TMEM267: variants seen among roughly 807,000 people sequenced by gnomAD.
The protein encoded by TMEM267 is transmembrane protein 267.
In TMEM267, 20 loss-of-function variants were observed where a neutral mutation model predicts 19.3. The observed-to-expected ratio is 1.04, with a 90% CI of 0.73 to 1.51. TMEM267 has a LOEUF of 1.51. Ranked by LOEUF, TMEM267 falls within the 40% of genes most tolerant of loss-of-function variation. The pLI is 0.00. For synonymous variants in TMEM267, 88 were observed against 90.3 expected (o/e 0.97, Z 0.15); for missense variants, 242 against 261.9 (o/e 0.92, Z 0.52).
At chr5:43,449,987 G>A (rs1047380122) in intron 2 of TMEM267, among the ~76,000 whole-genome samples, 3 of 142,998 alleles carry the variant, frequency 2.1e-5, no homozygotes, top group African/African-American at 5.1e-5. Flanking sequence ...TCAATGTAGC[G>A]TTTTTTTTTT....
intron 1 of TMEM267, among the ~76,000 whole-genome samples, chr5:43,455,148 G>A (rs6880159): frequency 0.074 from 11,279 of 152,186 alleles, 762 homozygotes; most frequent in African/African-American, 0.18. Context: ...AGTAGGCTGG[G>A]CACAGTGGCT....
At chr5:43,473,626 G>C (rs1365252051) in intron 1 of TMEM267, among the ~76,000 whole-genome samples, 2 of 152,116 alleles carry the variant, frequency 1.3e-5, no homozygotes, top group Non-Finnish European at 2.9e-5. Context: ...CAAACAAATG[G>C]AAAAACATTC....
chr5:43,459,786 G>A (rs988988982), intron 1 of TMEM267, among the ~76,000 whole-genome samples: 2 of 152,158 alleles, frequency 1.3e-5, no homozygotes, highest in Non-Finnish European at 2.9e-5. Context: ...CATATGCTAT[G>A]AAGCAGTGGT....
At chr5:43,446,888 A>G (rs1043342417) in intron 2 of TMEM267, among the ~76,000 whole-genome samples, 1 of 152,098 alleles carries the variant, frequency 6.6e-6, no homozygotes. Flanking sequence ...GGAGTTTTAT[A>G]TAATTATCCA....
intron 1 of TMEM267, among the ~76,000 whole-genome samples, chr5:43,463,399 A>G (rs577858604): frequency 6.6e-6 from 1 of 152,338 alleles, no homozygotes; most frequent in East Asian, 1.9e-4. Flanking sequence ...AAACTATTCC[A>G]ATCAATAGAA....
intron 1 of TMEM267, among the ~76,000 whole-genome samples, chr5:43,455,432 A>G (rs981432791): frequency 6.6e-6 from 1 of 152,046 alleles, no homozygotes. Flanking sequence ...AAAAAAAAAA[A>G]GCTACAGTAA....
intron 1 of TMEM267, among the ~76,000 whole-genome samples, chr5:43,477,002 G>A (rs1225925999): frequency 6.7e-6 from 1 of 148,746 alleles, no homozygotes; most frequent in Non-Finnish European, 1.5e-5. Flanking sequence ...AACCAACCTG[G>A]GCAACACAGA....
In TMEM267 at chr5:43,445,307, A is replaced by C. The variant is rs1742183225; in HGVS notation, c.*915T>G. On this transcript the variant is annotated 3_prime_UTR_variant, in exon 3 of 3. Coordinates refer to ENST00000397080, the MANE Select transcript of TMEM267 (RefSeq NM_022483.5). ...GTAAAATATTTTAGAATAGTATATA[A>C]AATAGTATATAAACAAACTGATAGC... 1 of 152,208 alleles carries C rather than the reference A, an allele frequency of 6.6e-6. No homozygotes were observed. Among genetic ancestry groups the C allele is most frequent in the Non-Finnish European group, 1.5e-5 (1 of 68,014 alleles). 9.4% of individuals were successfully genotyped at this position (152,208 alleles called of 1,614,324 possible).
intron 1 of TMEM267, among the ~76,000 whole-genome samples, chr5:43,461,175 C>T (rs572841391): frequency 1.5e-4 from 23 of 152,286 alleles, no homozygotes; most frequent in African/African-American, 5.5e-4. Flanking sequence ...TCTAGACATA[C>T]TCAGAGCCAG....
chr5:43,452,293 CAGCAACA>C, intron 2 of TMEM267, among the ~76,000 whole-genome samples: 1 of 151,890 alleles, frequency 6.6e-6, no homozygotes. Context: ...GTGTCTTGTA[CAGCAACA>C]TGGATGGAAC....
chr5:43,482,055 G>A (rs977934031), intron 1 of TMEM267, among the ~76,000 whole-genome samples: 1 of 152,182 alleles, frequency 6.6e-6, no homozygotes, highest in Non-Finnish European at 1.5e-5. Context: ...GTGTTAGCCA[G>A]GATGGTCTCG....
intron 1 of TMEM267, among the ~76,000 whole-genome samples, chr5:43,462,288 T>C (rs1442313412): frequency 6.6e-6 from 1 of 152,112 alleles, no homozygotes; most frequent in Non-Finnish European, 1.5e-5. Flanking sequence ...CTTTCAAATA[T>C]CTGGAAAACC....
At chr5:43,481,634 A>T (rs1448311465) in intron 1 of TMEM267, among the ~76,000 whole-genome samples, 1 of 152,056 alleles carries the variant, frequency 6.6e-6, no homozygotes, top group Non-Finnish European at 1.5e-5. Flanking sequence ...GCATTTTACC[A>T]ATGGAAAGTA....
chr5:43,462,065 C>T (rs1484933789), intron 1 of TMEM267, among the ~76,000 whole-genome samples: 2 of 152,062 alleles, frequency 1.3e-5, no homozygotes, highest in Non-Finnish European at 2.9e-5. Flanking sequence ...GTTACTTCAC[C>T]CTAGCTTTAG....
intron 1 of TMEM267, among the ~76,000 whole-genome samples, chr5:43,472,671 T>G (rs1273342438): frequency 1.3e-5 from 2 of 152,178 alleles, no homozygotes; most frequent in African/African-American, 4.8e-5. Flanking sequence ...AACATTTTGC[T>G]AAGTGAAATA....
At position 43,453,881 on chromosome 5, in the gene TMEM267, C is replaced by T. The variant is rs564786776; in HGVS notation, c.89G>A (p.Cys30Tyr). Residue 30 changes from cysteine (C) to tyrosine (Y), a missense_variant, in exon 2 of 3, where the codon TGC becomes TAC. By Grantham distance (194) the Cys-to-Tyr change is radical. Transcript: ENST00000397080. ...CTGAAGAAGTCTGTCAGCTACGAGG[C>T]AAAATGCCCCCAGACCAAGGCTGGA... ...LISSLGLGAF[C>Y]LVADRLLQFS... 1.9e-6 allele frequency: 3 copies of T among 1,613,988 alleles called. No homozygotes were observed. In the East Asian group the frequency reaches 6.7e-5, roughly 36 times the overall value.
chr5:43,477,737 A>T (rs978420499), intron 1 of TMEM267, among the ~76,000 whole-genome samples: 5 of 152,188 alleles, frequency 3.3e-5, no homozygotes, highest in African/African-American at 7.2e-5. Context: ...TGCTGCTGCT[A>T]TAAAAGATTC....
At chr5:43,477,934 G>T (rs1579833934) in intron 1 of TMEM267, among the ~76,000 whole-genome samples, 1 of 152,096 alleles carries the variant, frequency 6.6e-6, no homozygotes, top group Non-Finnish European at 1.5e-5. Context: ...TTATTTTTTT[G>T]ACTCTACAGT....
upstream of TMEM267, chr5:43,484,328 C>T (rs1244632023): frequency 6.6e-6 from 1 of 152,250 alleles, no homozygotes; most frequent in African/African-American, 2.4e-5. Flanking sequence ...AACTTCCTTC[C>T]GCGAAGCCCT....
Sources: gnomAD v4.1 joint callset for allele counts (sites outside exome capture counted in the v4.1 genomes callset) on GRCh38, gnomAD v4.1.1 for gene constraint, MANE v1.5 for transcripts, NCBI Gene and HGNC (gene_info 2026-07-23, HGNC 2026-07-21) for gene names.